The following SHANK2 variants were observed in gnomAD, a reference collection of about 807,000 sequenced individuals.
The protein encoded by SHANK2 is SH3 and multiple ankyrin repeat domains protein 2.
In SHANK2, 43 loss-of-function variants were observed where a neutral mutation model predicts 133.7. The observed-to-expected ratio is 0.32, with a 90% CI of 0.25 to 0.41. The LOEUF (loss-of-function observed/expected upper bound fraction) is 0.41. Ranked by LOEUF, SHANK2 falls within the 10% of genes least tolerant of loss-of-function variation. SHANK2 has a pLI of 1.00. For synonymous variants in SHANK2, 1,017 were observed against 952.8 expected (o/e 1.07, Z -1.24); for missense variants, 1,994 against 2,235.8 (o/e 0.89, Z 2.18).
At chr11:70,846,483 T>A (rs1948999283) in intron 11 of SHANK2, among the ~76,000 whole-genome samples, 1 of 152,052 alleles carries the variant, frequency 6.6e-6, no homozygotes, top group Non-Finnish European at 1.5e-5. Flanking sequence ...TTGCCCAGGC[T>A]GGCCTCAAGC....
At chr11:71,110,239 C>A (rs189591454) in intron 5 of SHANK2, among the ~76,000 whole-genome samples, 190 bp from the exon 6 acceptor site, 1,839 of 152,240 alleles carry the variant, frequency 0.012, 12 homozygotes, top group East Asian at 0.02. Context: ...GAGATCGAGA[C>A]CATCCTGGCT....
At chr11:70,628,344 G>A (rs2060932191) in intron 17 of SHANK2, among the ~76,000 whole-genome samples, 1 of 152,154 alleles carries the variant, frequency 6.6e-6, no homozygotes, top group African/African-American at 2.4e-5. Context: ...ATTCTGACGG[G>A]CGCAGCAGGG....
chr11:70,621,310 G>A (rs181797300), intron 17 of SHANK2, among the ~76,000 whole-genome samples: 154 of 152,314 alleles, frequency 1.0e-3, no homozygotes, highest in African/African-American at 3.6e-3. Context: ...TGAGGAAACC[G>A]AGGCAGGAGC....
intron 17 of SHANK2, among the ~76,000 whole-genome samples, chr11:70,581,027 G>A (rs1202656546): frequency 4.6e-5 from 7 of 152,268 alleles, no homozygotes; most frequent in East Asian, 1.9e-4. Flanking sequence ...TCGTCACTGC[G>A]AGGCCTTCTG....
chr11:70,715,793 T>G (rs1945902944), intron 14 of SHANK2, among the ~76,000 whole-genome samples: 1 of 152,158 alleles, frequency 6.6e-6, no homozygotes, highest in South Asian at 2.1e-4. Context: ...CCTCTATCTG[T>G]CCAGAAGGAT....
intron 10 of SHANK2, among the ~76,000 whole-genome samples, chr11:70,924,681 T>G (rs1950402127): frequency 6.6e-6 from 1 of 152,028 alleles, no homozygotes; most frequent in African/African-American, 2.4e-5. Context: ...GGTCTCAAAC[T>G]CCTGACCTCA....
chr11:70,795,524 G>A (rs1947891820), intron 14 of SHANK2, among the ~76,000 whole-genome samples: 1 of 150,438 alleles, frequency 6.6e-6, no homozygotes, highest in South Asian at 2.1e-4. Flanking sequence ...TCCTGCCTCA[G>A]CCTCCCGAGG....
chr11:70,777,374 T>TCCCCCC (rs1947389434), intron 14 of SHANK2, among the ~76,000 whole-genome samples: 2 of 149,562 alleles, frequency 1.3e-5, no homozygotes, highest in African/African-American at 5.0e-5. Flanking sequence ...CATACACCCA[T>TCCCCCC]CCACCCACCC....
At chr11:70,669,739 G>T (rs1944758831) in intron 15 of SHANK2, 1 of 152,406 alleles carries the variant, frequency 6.6e-6, no homozygotes, top group Non-Finnish European at 1.5e-5. Flanking sequence ...TTAACACGGG[G>T]TCAACGTCAC....
chr11:71,071,788 A>G (rs1479113905), intron 9 of SHANK2, among the ~76,000 whole-genome samples: 1 of 152,122 alleles, frequency 6.6e-6, no homozygotes, highest in Admixed American at 6.5e-5. Context: ...TGGGTAAAGG[A>G]TGAGGCTTGA....
chr11:70,741,431 C>A (rs984789062), intron 14 of SHANK2, among the ~76,000 whole-genome samples: 2 of 152,198 alleles, frequency 1.3e-5, no homozygotes, highest in East Asian at 3.8e-4. Flanking sequence ...CAGGTATCTT[C>A]TTCTACCTTC....
intron 11 of SHANK2, among the ~76,000 whole-genome samples, chr11:70,851,934 T>C (rs544764315): frequency 4.6e-5 from 7 of 152,282 alleles, no homozygotes; most frequent in African/African-American, 1.7e-4. Flanking sequence ...TGATAGAATG[T>C]GATCAATTAA....
intron 14 of SHANK2, among the ~76,000 whole-genome samples, chr11:70,774,290 G>C (rs1469497710): frequency 1.3e-5 from 2 of 152,006 alleles, no homozygotes; most frequent in African/African-American, 2.4e-5. Flanking sequence ...ATGGTTGCCA[G>C]GGCTCCGGTA....
At chr11:70,875,398 G>A (rs1366304109) in intron 11 of SHANK2, among the ~76,000 whole-genome samples, 2 of 152,018 alleles carry the variant, frequency 1.3e-5, no homozygotes, top group African/African-American at 2.4e-5. Flanking sequence ...GGTGGCAGGC[G>A]CCTGTAGTCC....
intron 11 of SHANK2, among the ~76,000 whole-genome samples, chr11:70,827,171 A>G (rs1948655002): frequency 6.6e-6 from 1 of 152,108 alleles, no homozygotes; most frequent in South Asian, 2.1e-4. Context: ...TTCTGTTCAA[A>G]AGAATCAGAC....
intron 17 of SHANK2, among the ~76,000 whole-genome samples, chr11:70,526,719 GA>G (rs1554972197): frequency 6.6e-6 from 1 of 152,124 alleles, no homozygotes; most frequent in African/African-American, 2.4e-5. Context: ...GTCTCCTTTC[GA>G]AATTTTATGA....
intron 1 of SHANK2, among the ~76,000 whole-genome samples, chr11:71,225,846 G>A (rs115270541): frequency 0.017 from 2,565 of 152,306 alleles, 88 homozygotes; most frequent in African/African-American, 0.059. Flanking sequence ...AGAACTGGCC[G>A]GGCACGGTGG....
At chr11:71,080,137 G>A (rs1018155993) in intron 8 of SHANK2, among the ~76,000 whole-genome samples, 7 of 152,070 alleles carry the variant, frequency 4.6e-5, no homozygotes, top group East Asian at 1.9e-4. Flanking sequence ...AGGGTGGAGA[G>A]TAATGGGATG....
At chr11:71,080,493 C>G (rs1951283949) in intron 8 of SHANK2, among the ~76,000 whole-genome samples, 2 of 152,190 alleles carry the variant, frequency 1.3e-5, no homozygotes, top group Non-Finnish European at 2.9e-5. Flanking sequence ...CAATGCCCAG[C>G]ACAGCAACCA....
Sources: gnomAD v4.1 joint callset for allele counts (sites outside exome capture counted in the v4.1 genomes callset) on GRCh38, gnomAD v4.1.1 for gene constraint, MANE v1.5 for transcripts, NCBI Gene and HGNC (gene_info 2026-07-23, HGNC 2026-07-21) for gene names.